ST6GALNAC2: variants seen among roughly 807,000 people sequenced by gnomAD.
ST6GALNAC2 encodes the protein ST6 N-acetylgalactosaminide alpha-2,6-sialyltransferase 2.
Under a neutral mutation model 38.7 loss-of-function variants are expected in ST6GALNAC2, and 42 were observed. The ratio of observed to expected loss-of-function variants is 1.09; its 90% CI spans 0.85 to 1.40. The LOEUF (loss-of-function observed/expected upper bound fraction) is 1.40. Among genes scored for constraint, ST6GALNAC2 ranks in the 40% most tolerant of loss-of-function variants. ST6GALNAC2 has a pLI of 0.00. For synonymous variants in ST6GALNAC2, 233 were observed against 209.0 expected, an observed-to-expected ratio of 1.11 and a Z score of -0.99; for missense variants, 506 against 481.7, an observed-to-expected ratio of 1.05 and a Z score of -0.47.
intron 1 of ST6GALNAC2, among the ~76,000 whole-genome samples, chr17:76,584,467 A>G (rs2075519854): frequency 6.6e-6 from 1 of 152,180 alleles, no homozygotes; most frequent in South Asian, 2.1e-4. Flanking sequence ...AAACATCTTT[A>G]CATAAAAGTG....
intron 5 of ST6GALNAC2, 57 bp downstream of exon 5, chr17:76,572,580 C>G: frequency 6.2e-7 from 1 of 1,605,876 alleles, no homozygotes; most frequent in Non-Finnish European, 8.5e-7. Context: ...ACTGAGGGGA[C>G]TCCAGGAACA....
intron 2 of ST6GALNAC2, among the ~76,000 whole-genome samples, chr17:76,577,399 C>T (rs1005717946): frequency 2.2e-4 from 34 of 151,956 alleles, no homozygotes; most frequent in Admixed American, 1.6e-3. Context: ...GTCCAAAAGC[C>T]ACCTCAGACC....
intron 8 of ST6GALNAC2, 103 bp downstream of exon 8, chr17:76,567,350 G>A: frequency 2.5e-6 from 2 of 813,638 alleles, no homozygotes; most frequent in Non-Finnish European, 4.2e-6. Flanking sequence ...ACGAACAGAG[G>A]CCAAGAGTCC....
chr17:76,581,901 C>G (rs2075480131), intron 1 of ST6GALNAC2, among the ~76,000 whole-genome samples: 1 of 152,062 alleles, frequency 6.6e-6, no homozygotes, highest in East Asian at 1.9e-4. Flanking sequence ...GAGTCTCGCT[C>G]TGTCACCAGG....
At chr17:76,578,958 G>A (rs2075447249) in intron 1 of ST6GALNAC2, 142 bp from the exon 2 acceptor site, 2 of 606,974 alleles carry the variant, frequency 3.3e-6, no homozygotes, top group Non-Finnish European at 5.6e-6. Context: ...TGTAATCCCA[G>A]TGCTTTGCTG....
At chr17:76,583,389 A>AAAAAAAAAG (rs2075503330) in intron 1 of ST6GALNAC2, among the ~76,000 whole-genome samples, 1 of 151,376 alleles carries the variant, frequency 6.6e-6, no homozygotes. Flanking sequence ...AAAAAAAAGA[A>AAAAAAAAAG]GATAATGTAT....
intron 2 of ST6GALNAC2, among the ~76,000 whole-genome samples, chr17:76,575,469 G>A (rs2075405345): frequency 6.6e-6 from 1 of 152,166 alleles, no homozygotes; most frequent in Admixed American, 6.5e-5. Context: ...GGGTGATGAT[G>A]AAGCAGGGAT....
chr17:76,570,687 T>G lies in ST6GALNAC2; in HGVS notation c.670-19A>C. ...GCAGGTCCTGTCAGAATAGAGACAA[T>G]GAGCCCAGAGGGGAACCAGGACATG... On this transcript the variant is annotated intron_variant, in intron 5 of 8. Coordinates refer to ENST00000225276, the MANE Select transcript of ST6GALNAC2 (RefSeq NM_006456.3). 1 of 1,587,750 alleles carries G rather than the reference T, an allele frequency of 6.3e-7. No individual in the cohort carries two copies.
chr17:76,585,103 G>T (rs376225499), intron 1 of ST6GALNAC2, among the ~76,000 whole-genome samples: 3 of 152,322 alleles, frequency 2.0e-5, no homozygotes, highest in African/African-American at 7.2e-5. Context: ...TTTCCCTCGG[G>T]CGCCCGCCTC....
Position 76,573,412 on chromosome 17 carries a change from C to T in ST6GALNAC2, c.362-49G>A, listed in dbSNP as rs371623780. 140 of 1,459,990 alleles carry T rather than the reference C, an allele frequency of 9.6e-5. No individual in the cohort carries two copies. The African/African-American group carries it at 1.7e-3, about 18-fold the overall frequency. The allele number at this position is 1,459,990 out of a possible 1,614,324, so 90.4% of individuals were successfully genotyped here. On this transcript the variant is annotated intron_variant, in intron 3 of 8. Coordinates refer to ENST00000225276, the MANE Select transcript of ST6GALNAC2 (RefSeq NM_006456.3). The surrounding 1 kb of genome is among the most constrained non-coding windows in gnomAD (Gnocchi z 5.1). ...CCATGAGGAGGGCTGGCATCGGGGG[C>T]ACCTGGGGCCTTCCCTAGGCTGGTT...
chr17:76,568,418 C>CTGCTGACGGCGCCACTGG, intron 7 of ST6GALNAC2: 1 of 440,258 alleles, frequency 2.3e-6, no homozygotes, highest in Non-Finnish European at 4.1e-6. Flanking sequence ...GGCGCCACTG[C>CTGCTGACGGCGCCACTGG]TGCTGTGCAC....
At chr17:76,567,724 A>T in intron 7 of ST6GALNAC2, 172 bp from the exon 8 acceptor site, 38 of 473,146 alleles carry the variant, frequency 8.0e-5, no homozygotes, top group Middle Eastern at 3.1e-4. Flanking sequence ...ACCTTAGGTA[A>T]GGTTGGGGGA....
At chr17:76,581,981 C>T (rs144117589) in intron 1 of ST6GALNAC2, among the ~76,000 whole-genome samples, 2,478 of 151,760 alleles carry the variant, frequency 0.016, 24 homozygotes, top group Non-Finnish European at 0.026. Context: ...GATTCTCCTG[C>T]CTCAGCTTCC....
intron 2 of ST6GALNAC2, among the ~76,000 whole-genome samples, chr17:76,577,889 C>T (rs929843221): frequency 9.2e-5 from 14 of 152,082 alleles, no homozygotes; most frequent in African/African-American, 3.4e-4. Context: ...GTTCCTAAGA[C>T]AGGGCCCCCA....
intron 1 of ST6GALNAC2, among the ~76,000 whole-genome samples, chr17:76,580,203 G>A (rs1236891733): frequency 6.6e-6 from 1 of 152,038 alleles, no homozygotes; most frequent in South Asian, 2.1e-4. Context: ...GGTGGATCAC[G>A]AGGTCAGGAG....
intron 5 of ST6GALNAC2, among the ~76,000 whole-genome samples, chr17:76,572,402 A>C (rs1330982483): frequency 3.9e-5 from 6 of 152,160 alleles, no homozygotes; most frequent in Non-Finnish European, 8.8e-5. Flanking sequence ...GCGTTGGGTA[A>C]ATGCTGGCCA....
rs541924967 is a variant in ST6GALNAC2, at chr17:76,574,623, G to C, written c.187-84C>G. ...CCTGCAGACCCTGCAGGGGAGTTGC[G>C]AGTTGTGAGGGAAGGCCTGCCCTGT... is the stretch of plus-strand genomic sequence containing the variant. On this transcript the variant is annotated intron_variant, in intron 2 of 8. Coordinates refer to ENST00000225276, the MANE Select transcript of ST6GALNAC2 (RefSeq NM_006456.3). The C allele has an allele frequency of 2.5e-6, 3 of 1,210,466 alleles. No homozygotes were observed. The African/African-American group carries it at 4.6e-5, about 19-fold the overall frequency. The allele number at this position is 1,210,466 out of a possible 1,614,324, so 75.0% of individuals were successfully genotyped here.
intron 1 of ST6GALNAC2, among the ~76,000 whole-genome samples, chr17:76,582,271 A>C (rs558282467): frequency 6.8e-6 from 1 of 146,168 alleles, no homozygotes; most frequent in East Asian, 2.0e-4. Flanking sequence ...TCCTGGGCTC[A>C]AGCGATCCTC....
chr17:76,567,381 T>C, intron 8 of ST6GALNAC2, 72 bp downstream of exon 8: 1 of 1,110,234 alleles, frequency 9.0e-7, no homozygotes, highest in Non-Finnish European at 1.4e-6. Flanking sequence ...GTAAGGGATA[T>C]CAGGGGATCC....
Sources: gnomAD v4.1 joint callset for allele counts (sites outside exome capture counted in the v4.1 genomes callset) on GRCh38, gnomAD v4.1.1 for gene constraint, Gnocchi (gnomAD v3.1) non-coding constraint, MANE v1.5 for transcripts, NCBI Gene and HGNC (gene_info 2026-07-23, HGNC 2026-07-21) for gene names.